Variants in SRD5A2 observed in about 807,000 individuals in gnomAD.
SRD5A2 encodes steroid 5 alpha-reductase 2.
SRD5A2 carries 30 observed loss-of-function variants against 27.4 expected under a neutral mutation model. The ratio of observed to expected loss-of-function variants is 1.10; its 90% CI spans 0.82 to 1.49. SRD5A2 has a LOEUF of 1.49. Among genes scored for constraint, SRD5A2 ranks in the 40% most tolerant of loss-of-function variants. The pLI is 0.00. For missense variants in SRD5A2, 348 were observed against 323.4 expected, an observed-to-expected ratio of 1.08 and a Z score of -0.58; for synonymous variants, 141 against 133.6, an observed-to-expected ratio of 1.06 and a Z score of -0.38.
chr2:31,534,368 T>G (rs1251624534), intron 1 of SRD5A2, among the ~76,000 whole-genome samples: 1 of 152,148 alleles, frequency 6.6e-6, no homozygotes, highest in African/African-American at 2.4e-5. Context: ...ACCTAATATT[T>G]ACTCATTGTG....
At chr2:31,542,601 GA>G (rs1364661108) in intron 1 of SRD5A2, among the ~76,000 whole-genome samples, 1 of 152,048 alleles carries the variant, frequency 6.6e-6, no homozygotes, top group Non-Finnish European at 1.5e-5. Context: ...TAAAGATTTT[GA>G]AAACCTAAAA....
At chr2:31,624,176 C>A in the SRD5A2 span, among the ~76,000 whole-genome samples, 1 of 151,878 alleles carries the variant, frequency 6.6e-6, no homozygotes, top group African/African-American at 2.4e-5. Context: ...AATGCATAAT[C>A]ACATCACATA....
chr2:31,573,188 T>C (rs1666887011), intron 1 of SRD5A2, among the ~76,000 whole-genome samples: 1 of 152,094 alleles, frequency 6.6e-6, no homozygotes, highest in African/African-American at 2.4e-5. Context: ...CAATCACTTG[T>C]AAAATAGCAC....
At chr2:31,555,180 G>A (rs1023242365) in intron 1 of SRD5A2, among the ~76,000 whole-genome samples, 3 of 151,220 alleles carry the variant, frequency 2.0e-5, no homozygotes, top group Admixed American at 6.6e-5. Flanking sequence ...CCCACATGTC[G>A]CTCAAGAAAA....
At chr2:31,611,589 A>C in the SRD5A2 span, among the ~76,000 whole-genome samples, 100,385 of 152,044 alleles carry the variant, frequency 0.66, 33,399 homozygotes, top group Middle Eastern at 0.7. Context: ...TAAGTATGAA[A>C]AGTGCTCAAC....
At chr2:31,571,777 T>A (rs752681890) in intron 1 of SRD5A2, among the ~76,000 whole-genome samples, 2 of 152,208 alleles carry the variant, frequency 1.3e-5, no homozygotes, top group Non-Finnish European at 2.9e-5. Flanking sequence ...ATGCTCGGCA[T>A]CACTAATCAT....
At chr2:31,634,011 C>T in the SRD5A2 span, among the ~76,000 whole-genome samples, 5 of 152,174 alleles carry the variant, frequency 3.3e-5, no homozygotes, top group Admixed American at 6.5e-5. Context: ...AATCATCTAT[C>T]GCTTGAGAGC....
At chr2:31,640,597 C>T in the SRD5A2 span, among the ~76,000 whole-genome samples, 1 of 152,134 alleles carries the variant, frequency 6.6e-6, no homozygotes, top group African/African-American at 2.4e-5. Context: ...TGGAGCATTG[C>T]CTGTTCCAAA....
intron 1 of SRD5A2, among the ~76,000 whole-genome samples, chr2:31,547,468 A>G (rs770780787): frequency 6.9e-4 from 105 of 152,338 alleles, no homozygotes; most frequent in Non-Finnish European, 1.2e-3. Context: ...TCTGCCCTCA[A>G]TGTGGGTGAT....
chr2:31,528,804 G>C (rs949097301), intron 4 of SRD5A2, among the ~76,000 whole-genome samples: 5 of 151,296 alleles, frequency 3.3e-5, no homozygotes, highest in Non-Finnish European at 5.9e-5. Context: ...ATAAATATCT[G>C]TGGAGCTTTG....
At chr2:31,618,447 G>A in the SRD5A2 span, among the ~76,000 whole-genome samples, 3 of 151,730 alleles carry the variant, frequency 2.0e-5, no homozygotes, top group South Asian at 2.1e-4. Context: ...ACACATGAAC[G>A]GACAAAGAAA....
At chr2:31,583,623 A>C (rs1460901333), upstream of SRD5A2, among the ~76,000 whole-genome samples, 7 of 41,866 alleles carry the variant, frequency 1.7e-4, no homozygotes, top group East Asian at 2.0e-3. Flanking sequence ...GGAAAAAAAA[A>C]AAAAACAAAA....
the SRD5A2 span, among the ~76,000 whole-genome samples, chr2:31,637,194 T>A: frequency 6.6e-6 from 1 of 152,078 alleles, no homozygotes; most frequent in Non-Finnish European, 1.5e-5. Context: ...CATTCTTCAA[T>A]CATGGTAAGT....
chr2:31,638,738 C>T, the SRD5A2 span, among the ~76,000 whole-genome samples: 5 of 151,128 alleles, frequency 3.3e-5, no homozygotes, highest in Admixed American at 2.6e-4. Flanking sequence ...ATAGCTATTT[C>T]TTCTCTTTTT....
intron 1 of SRD5A2, among the ~76,000 whole-genome samples, chr2:31,546,435 A>G (rs1453919362): frequency 6.6e-6 from 1 of 152,220 alleles, no homozygotes; most frequent in African/African-American, 2.4e-5. Context: ...TATGTTACAT[A>G]TACATCTTGG....
At chr2:31,625,774 T>A in the SRD5A2 span, among the ~76,000 whole-genome samples, 1 of 152,244 alleles carries the variant, frequency 6.6e-6, no homozygotes, top group Non-Finnish European at 1.5e-5. Flanking sequence ...GCTTGCAGTA[T>A]AATTTGAAGT....
the SRD5A2 span, among the ~76,000 whole-genome samples, chr2:31,655,670 T>C: frequency 1.3e-5 from 2 of 152,084 alleles, no homozygotes. Flanking sequence ...GTTGAGGAAG[T>C]GGGAGGAAGA....
At chr2:31,646,712 C>T in the SRD5A2 span, among the ~76,000 whole-genome samples, 1 of 151,984 alleles carries the variant, frequency 6.6e-6, no homozygotes, top group Admixed American at 6.6e-5. Flanking sequence ...GGAAAAAGTA[C>T]ACAGTCTGAA....
the SRD5A2 span, among the ~76,000 whole-genome samples, chr2:31,660,745 T>C: frequency 6.6e-6 from 1 of 152,072 alleles, no homozygotes; most frequent in African/African-American, 2.4e-5. Context: ...ATAGGATTAT[T>C]TGTAATTGCA....
Sources: allele counts gnomAD v4.1 joint callset (sites outside exome capture counted in the v4.1 genomes callset), GRCh38; gene constraint gnomAD v4.1.1; transcripts MANE v1.5; gene names NCBI Gene and HGNC (gene_info 2026-07-23, HGNC 2026-07-21).